The following PC variants were observed in gnomAD, a reference collection of about 807,000 sequenced individuals.
PC encodes the protein pyruvate carboxylase, mitochondrial.
PC carries 46 observed loss-of-function variants against 107.8 expected under a neutral mutation model. That is an observed-to-expected ratio of 0.43 (90% CI 0.34 to 0.55). The LOEUF is 0.55. Among genes scored for constraint, PC ranks in the 20% least tolerant of loss-of-function variants. The pLI, the probability that PC is intolerant of heterozygous loss-of-function variation, is 0.04. For missense variants in PC, 1,241 were observed against 1,643.1 expected (o/e 0.76, Z 4.23); for synonymous variants, 662 against 684.7 (o/e 0.97, Z 0.52).
chr11:66,948,124 T>C (rs558515942), intron 3 of PC, among the ~76,000 whole-genome samples: 14 of 151,702 alleles, frequency 9.2e-5, no homozygotes, highest in African/African-American at 2.9e-4. Context: ...GGGAGATCAC[T>C]TGAGCCCAGA....
intron 3 of PC, among the ~76,000 whole-genome samples, chr11:66,896,325 T>C (rs1023225189): frequency 6.6e-6 from 1 of 152,200 alleles, no homozygotes; most frequent in East Asian, 1.9e-4. Context: ...GTGATCCACC[T>C]GCCTCGGCCT....
intron 3 of PC, among the ~76,000 whole-genome samples, chr11:66,920,742 G>A (rs144653444): frequency 4.3e-4 from 66 of 152,282 alleles, no homozygotes; most frequent in African/African-American, 1.6e-3. Context: ...ACATGTTCAG[G>A]ACATGGAAAT....
intron 3 of PC, among the ~76,000 whole-genome samples, chr11:66,928,733 C>T (rs1948778667): frequency 6.6e-6 from 1 of 152,030 alleles, no homozygotes; most frequent in Non-Finnish European, 1.5e-5. Context: ...CCATGTTGGT[C>T]AGGCTGGTCT....
chr11:66,852,582 G>A lies in PC; in HGVS notation c.1682C>T (p.Pro561Leu), dbSNP rs369291198. ...GGTCGTGTCCATCAGCAGCAGCCCC[G>A]GGTGGTTCCGCACAGCTCGAGCAAA... is the stretch of plus-strand genomic sequence containing the variant. Reference protein sequence around the residue: ...EGFARAVRNHPGLLLMDTTFR... With the variant: ...EGFARAVRNHLGLLLMDTTFR... The change falls in exon 15 of 23, where the codon CCG becomes CTG. Residue 561 changes from proline to leucine, a missense_variant. Transcript: ENST00000393960. This position sits in a 1 kb window ranked among gnomAD's most constrained non-coding sequence, Gnocchi z 4.7. 3.7e-5 allele frequency: 60 copies of A among 1,613,880 alleles called. No individual in the cohort carries two copies. The highest frequency in any genetic ancestry group is 4.7e-5 in the Non-Finnish European group (55 of 1,180,016).
chr11:66,852,651 G>A lies in PC; in HGVS notation c.1613C>T (p.Pro538Leu), dbSNP rs151174961. Residue 538 changes from proline (P) to leucine (L), a missense_variant, in exon 15 of 23, where the codon CCG becomes CTG. Transcript: ENST00000393960. The surrounding 1 kb of genome is among the most constrained non-coding windows in gnomAD (Gnocchi z 4.7). ...VVPAVPIGPP[P>L]AGFRDILLRE... ...CAGCAGGATGTCTCTGAAACCAGCC[G>A]GGGGCGGGCCTAGGGTAGACAGGGG... 2.8e-5 allele frequency: 45 copies of A among 1,613,468 alleles called. No individual in the cohort carries two copies. Among genetic ancestry groups the A allele is most frequent in the Admixed American group, 3.3e-5 (2 of 59,980 alleles).
chr11:66,895,636 A>G (rs1441883155), intron 3 of PC, among the ~76,000 whole-genome samples: 1 of 152,224 alleles, frequency 6.6e-6, no homozygotes, highest in Non-Finnish European at 1.5e-5. Flanking sequence ...ACAAAGCAAT[A>G]GAAAGGTTGA....
At chr11:66,860,055 G>A (rs766964353) in intron 12 of PC, 81 of 1,569,848 alleles carry the variant, frequency 5.2e-5, no homozygotes, top group Non-Finnish European at 4.3e-6. Context: ...GGACCTGGGA[G>A]ATGCCGGGTG....
In PC at chr11:66,858,955, A is replaced by T; in HGVS notation, c.1368+4819T>A. ...GCTGCCGAGGGTGAGGGGACGCTGG[A>T]GTCTGAGCCAGCCGTGCAGGTGACG... On this transcript the variant is annotated intron_variant, in intron 12 of 22. Coordinates refer to ENST00000393960, the MANE Select transcript of PC (RefSeq NM_001040716.2). The surrounding 1 kb of genome is among the most constrained non-coding windows in gnomAD (Gnocchi z 5.9). The T allele has an allele frequency of 6.3e-7, 1 of 1,576,740 alleles. No homozygotes were observed. The highest frequency in any genetic ancestry group is 8.6e-7 in the Non-Finnish European group (1 of 1,158,006).
In PC at chr11:66,902,312, C is replaced by T. The variant is rs190621265; in HGVS notation, c.1-30153G>A. 1.9e-3 allele frequency among the ~76,000 whole-genome samples: 297 copies of T among 152,318 alleles called. 3 individuals carry two copies. Among genetic ancestry groups the T allele is most frequent in the Admixed American group, 0.018 (268 of 15,298 alleles). ...ATGCAGCTCTGGGCATCCACTATTG[C>T]TGATTTTACTGTGATGGCCACATAG... On this transcript the variant is annotated intron_variant, in intron 3 of 22. Transcript: ENST00000393960.
chr11:66,898,775 C>T (rs1947850547), intron 3 of PC, among the ~76,000 whole-genome samples: 1 of 152,200 alleles, frequency 6.6e-6, no homozygotes, highest in South Asian at 2.1e-4. Context: ...TTTCCTATCC[C>T]CTAGCTGTCA....
At chr11:66,894,363 A>G (rs1168363367) in intron 3 of PC, among the ~76,000 whole-genome samples, 1 of 152,112 alleles carries the variant, frequency 6.6e-6, no homozygotes, top group Non-Finnish European at 1.5e-5. Flanking sequence ...CTACCATTAG[A>G]ACACCCTTCC....
At position 66,852,306 on chromosome 11, in the gene PC, C is replaced by T. The variant is rs1945548156; in HGVS notation, c.1825+133G>A. 3.6e-6 allele frequency: 3 copies of T among 827,990 alleles called. No individual in the cohort carries two copies. Among genetic ancestry groups the T allele is most frequent in the African/African-American group, 1.7e-5 (1 of 59,702 alleles). The allele number at this position is 827,990 out of a possible 1,614,324, so 51.3% of individuals were successfully genotyped here. On this transcript the variant is annotated intron_variant, in intron 15 of 22. Transcript: ENST00000393960. This position sits in a 1 kb window ranked among gnomAD's most constrained non-coding sequence, Gnocchi z 4.7. ...AGGCCTGGCCGGAGAGGGCGCTGTG[C>T]CTTCTTCGGTCCTTCCTCTTTGGTG... is the stretch of plus-strand genomic sequence containing the variant.
intron 3 of PC, among the ~76,000 whole-genome samples, chr11:66,902,534 C>T (rs891486104): frequency 1.3e-5 from 2 of 152,152 alleles, no homozygotes; most frequent in Non-Finnish European, 2.9e-5. Flanking sequence ...CCCGTCATGC[C>T]GAGCTGTGCC....
chr11:66,919,804 G>C (rs1210232722), intron 3 of PC: 2 of 152,148 alleles, frequency 1.3e-5, no homozygotes, highest in South Asian at 4.1e-4. Flanking sequence ...AGGCTTTCAG[G>C]TCTTTGCCAG....
chr11:66,850,394 G>A lies in PC; in HGVS notation c.2544C>T (p.Phe848=), dbSNP rs1270012365. ...WEGARGLYAA[F]DCTATMKSGN... ...CAGACTTCATGGTGGCCGTGCAGTC[G>A]AAGGCCGCGTACAGTCCCCGAGCCC... The change falls in exon 19 of 23, where the codon TTC becomes TTT. Residue 848 remains phenylalanine, a synonymous_variant. Coordinates refer to ENST00000393960, the MANE Select transcript of PC (RefSeq NM_001040716.2). 8.1e-6 allele frequency: 13 copies of A among 1,614,014 alleles called. No individual in the cohort carries two copies. The highest frequency in any genetic ancestry group is 2.2e-5 in the East Asian group (1 of 44,884).
intron 3 of PC, among the ~76,000 whole-genome samples, chr11:66,915,869 T>C (rs756514755): frequency 6.6e-6 from 1 of 152,218 alleles, no homozygotes; most frequent in Admixed American, 6.5e-5. Context: ...CTCCCTTCTT[T>C]CTTCGTCCTT....
In PC at chr11:66,852,326, T is replaced by G; in HGVS notation, c.1825+113A>C. 6.5e-6 allele frequency: 6 copies of G among 920,132 alleles called. No individual in the cohort carries two copies. Among genetic ancestry groups the G allele is most frequent in the Non-Finnish European group, 1.1e-5 (6 of 565,722 alleles). 57.0% of individuals were successfully genotyped at this position (920,132 alleles called of 1,614,324 possible). On this transcript the variant is annotated intron_variant, in intron 15 of 22. Transcript: ENST00000393960. The surrounding 1 kb of genome is among the most constrained non-coding windows in gnomAD (Gnocchi z 4.7). Reference sequence around the variant, plus strand: ...CTGTGCCTTCTTCGGTCCTTCCTCTTTGGTGTTCTTCGTGTCAGCGTCTCT... The same window carrying G: ...CTGTGCCTTCTTCGGTCCTTCCTCTGTGGTGTTCTTCGTGTCAGCGTCTCT...
Position 66,852,522 on chromosome 11 carries a change from C to A in PC, c.1742G>T (p.Arg581Leu). 6.2e-7 allele frequency: 1 copy of A among 1,614,074 alleles called. No individual in the cohort carries two copies. Among genetic ancestry groups the A allele is most frequent in the Non-Finnish European group, 8.5e-7 (1 of 1,180,030 alleles). ...RDAHQSLLAT[R>L]VRTHDLKKIA... ...CTTTTTGAGATCGTGGGTGCGCACA[C>A]GAGTGGCCAGCAGTGACTGGTGGGC... Residue 581 changes from arginine (R) to leucine (L), a missense_variant, in exon 15 of 23, where the codon CGT becomes CTT. Arg to Leu is a moderately radical substitution (Grantham distance 102). Around this residue, in one of 2 missense-constraint regions of PC, gnomAD observed 1,143 missense variants for 1,551.9 expected, o/e 0.74. Coordinates refer to ENST00000393960, the MANE Select transcript of PC (RefSeq NM_001040716.2). This position sits in a 1 kb window ranked among gnomAD's most constrained non-coding sequence, Gnocchi z 4.7.
rs547211574 is a variant in PC at position 66,859,529 on chromosome 11, G to A, written c.1368+4245C>T. 8.3e-4 allele frequency: 1,280 copies of A among 1,546,520 alleles called. 2 individuals are homozygous for A. Among genetic ancestry groups the A allele is most frequent in the Admixed American group, 2.0e-3 (102 of 52,022 alleles). On this transcript the variant is annotated intron_variant, in intron 12 of 22. Coordinates refer to ENST00000393960, the MANE Select transcript of PC (RefSeq NM_001040716.2). ...CCTTCCTGAGTGAACCCAAGAGCCCGAGTGGCCCCAGGGGGAGGGGTGTTT... is the reference window on the plus strand; with the variant it reads ...CCTTCCTGAGTGAACCCAAGAGCCCAAGTGGCCCCAGGGGGAGGGGTGTTT...
Sources: gnomAD v4.1 joint callset for allele counts (sites outside exome capture counted in the v4.1 genomes callset) on GRCh38, gnomAD v4.1.1 for gene constraint, gnomAD v4.1.1 regional missense constraint, Gnocchi (gnomAD v3.1) non-coding constraint, MANE v1.5 for transcripts, NCBI Gene and HGNC (gene_info 2026-07-23, HGNC 2026-07-21) for gene names.